Variants in DAB2IP observed in about 807,000 individuals in gnomAD.
DAB2IP encodes the protein DAB2 interacting protein, also known as disabled homolog 2-interacting protein.
DAB2IP carries 28 observed loss-of-function variants against 107.2 expected under a neutral mutation model. The observed-to-expected ratio is 0.26, with a 90% CI of 0.19 to 0.36. The LOEUF is 0.36. Ranked by LOEUF, DAB2IP falls within the 10% of genes least tolerant of loss-of-function variation. DAB2IP has a pLI of 1.00. For missense variants in DAB2IP, 1,400 were observed against 1,644.7 expected, an observed-to-expected ratio of 0.85 and a Z score of 2.57; for synonymous variants, 755 against 706.4, an observed-to-expected ratio of 1.07 and a Z score of -1.09.
rs1390718011 is a variant in DAB2IP at position 121,772,508 on chromosome 9, C to G, written c.2079-99C>G. ...CAGCGCTGGCTCAGGCTGCCAGGCCCCGGCAGGTTGGCGGGTGCTGTCGGT... is the reference window on the plus strand; with the variant it reads ...CAGCGCTGGCTCAGGCTGCCAGGCCGCGGCAGGTTGGCGGGTGCTGTCGGT... On this transcript the variant is annotated intron_variant, in intron 11 of 15. Transcript: ENST00000408936. The surrounding 1 kb of genome is among the most constrained non-coding windows in gnomAD (Gnocchi z 4.7). 7.3e-7 allele frequency: 1 copy of G among 1,369,462 alleles called. No individual in the cohort carries two copies. The highest frequency in any genetic ancestry group is 1.0e-6 in the Non-Finnish European group (1 of 994,040). 84.8% of individuals were successfully genotyped at this position (1,369,462 alleles called of 1,614,324 possible). A position where few individuals can be genotyped will look rare whatever the true frequency, so the allele number is the denominator to read the frequency against.
intron 1 of DAB2IP, among the ~76,000 whole-genome samples, chr9:121,600,055 T>C (rs1025856980): frequency 2.0e-5 from 3 of 151,338 alleles, no homozygotes; most frequent in Non-Finnish European, 1.5e-5. Context: ...GAGAGTACAA[T>C]ACAGGGGATC....
Position 121,759,002 on chromosome 9 carries a change from C to T in DAB2IP, c.615+6C>T. 1 of 1,608,410 alleles carries T rather than the reference C, an allele frequency of 6.2e-7. No homozygotes were observed. The highest frequency in any genetic ancestry group is 8.5e-7 in the Non-Finnish European group (1 of 1,177,822). Reference sequence around the variant, plus strand: ...GAGCGGTGCATCCCAACAAGGTAAGCCTGCGCCCCTCTCACCAAAGCATGG... The same window carrying T: ...GAGCGGTGCATCCCAACAAGGTAAGTCTGCGCCCCTCTCACCAAAGCATGG... On this transcript the variant is annotated splice_donor_region_variant and intron_variant, in intron 5 of 15. Coordinates refer to ENST00000408936, the Ensembl canonical transcript of DAB2IP.
intron 3 of DAB2IP, among the ~76,000 whole-genome samples, chr9:121,734,357 C>T (rs533552206): frequency 2.7e-5 from 4 of 149,630 alleles, no homozygotes; most frequent in Non-Finnish European, 3.0e-5. Flanking sequence ...GCAGTCCGGC[C>T]TGGGCAACAG....
At chr9:121,767,115 CCT>C (rs569989836) in intron 9 of DAB2IP, among the ~76,000 whole-genome samples, 47 of 152,324 alleles carry the variant, frequency 3.1e-4, no homozygotes, top group South Asian at 1.2e-3. Context: ...TAATCCATTC[CCT>C]GTGCTTGGGC....
chr9:121,743,424 C>T lies in DAB2IP; in HGVS notation c.363-13589C>T, dbSNP rs548379184. Among the ~76,000 whole-genome samples the T allele has an allele frequency of 4.0e-4, 61 of 152,048 alleles. 1 individual carries two copies. Among genetic ancestry groups the T allele is most frequent in the Admixed American group, 2.0e-3 (31 of 15,282 alleles). On this transcript the variant is annotated intron_variant, in intron 3 of 15. Transcript: ENST00000408936. Reference sequence around the variant, plus strand: ...AACCTGATCATGAATTTTGGAGTTTCGTTTTTTGTTTTTTTTTTCTTTCCT... The same window carrying T: ...AACCTGATCATGAATTTTGGAGTTTTGTTTTTTGTTTTTTTTTTCTTTCCT...
At chr9:121,746,972 G>A (rs1355482639) in intron 3 of DAB2IP, among the ~76,000 whole-genome samples, 2 of 152,138 alleles carry the variant, frequency 1.3e-5, no homozygotes, top group African/African-American at 4.8e-5. Context: ...GAGAGGGAAC[G>A]CATGGGTCAG....
chr9:121,591,663 G>A (rs188959042), intron 1 of DAB2IP, among the ~76,000 whole-genome samples: 10 of 152,344 alleles, frequency 6.6e-5, no homozygotes, highest in African/African-American at 2.4e-4. Context: ...GGGGCCAGGT[G>A]GATGCATGGA....
At chr9:121,773,575 C>G in intron 12 of DAB2IP, 80 bp downstream of exon 12, 1 of 1,333,794 alleles carries the variant, frequency 7.5e-7, no homozygotes, top group Non-Finnish European at 9.6e-7. Context: ...TGCTCCTCCT[C>G]TCGGTCATTT....
chr9:121,593,126 C>T (rs1021173074), intron 1 of DAB2IP, among the ~76,000 whole-genome samples: 1 of 152,204 alleles, frequency 6.6e-6, no homozygotes, highest in Non-Finnish European at 1.5e-5. Context: ...GTCTGCTGCC[C>T]AGGCTGGAGT....
chr9:121,741,173 G>A (rs1832314748), intron 3 of DAB2IP, among the ~76,000 whole-genome samples: 1 of 152,222 alleles, frequency 6.6e-6, no homozygotes, highest in African/African-American at 2.4e-5. Context: ...TCGGCTCCAG[G>A]AAGATAGGAT....
chr9:121,689,154 C>T (rs1024585924), intron 2 of DAB2IP, among the ~76,000 whole-genome samples: 5 of 152,050 alleles, frequency 3.3e-5, no homozygotes, highest in Non-Finnish European at 5.9e-5. Flanking sequence ...ATTAGCCGGG[C>T]GTGGTAGCGC....
At chr9:121,573,969 G>A (rs928021726) in intron 1 of DAB2IP, among the ~76,000 whole-genome samples, 13 of 152,242 alleles carry the variant, frequency 8.5e-5, no homozygotes, top group African/African-American at 3.1e-4. Flanking sequence ...AGATGTGGCA[G>A]GAGCCATGTC....
In DAB2IP at chr9:121,750,567, T is replaced by TGG. The variant is rs1265009703; in HGVS notation, c.363-6443_363-6442dup. Among the ~76,000 whole-genome samples the TGG allele has an allele frequency of 7.2e-5, 11 of 152,288 alleles. No individual in the cohort carries two copies. The South Asian group carries it at 1.9e-3, about 26-fold the overall frequency. ...CTCTCCTGGTCCCAGCCTTGCCCTT[T>TGG]GGGGCCACACAGGGCAGCTCCCTCT... On this transcript the variant is annotated intron_variant, in intron 3 of 15. Transcript: ENST00000408936.
intron 1 of DAB2IP, among the ~76,000 whole-genome samples, chr9:121,577,452 C>A (rs924150460): frequency 6.6e-6 from 1 of 152,234 alleles, no homozygotes; most frequent in Non-Finnish European, 1.5e-5. Flanking sequence ...AGGAGCTCCA[C>A]GGTGTGTCTG....
intron 3 of DAB2IP, among the ~76,000 whole-genome samples, chr9:121,724,575 C>T (rs897101151): frequency 1.3e-5 from 2 of 152,218 alleles, no homozygotes; most frequent in African/African-American, 4.8e-5. Context: ...ACATTTATGT[C>T]TTGTACCCTG....
intron 3 of DAB2IP, among the ~76,000 whole-genome samples, chr9:121,750,606 T>C (rs772335094): frequency 1.4e-4 from 22 of 152,170 alleles, no homozygotes; most frequent in Non-Finnish European, 3.1e-4. Context: ...CTTTCGAGAT[T>C]TGGAGGGTGA....
At chr9:121,680,720 C>T (rs1187925286) in intron 2 of DAB2IP, among the ~76,000 whole-genome samples, 1 of 150,116 alleles carries the variant, frequency 6.7e-6, no homozygotes, top group Non-Finnish European at 1.5e-5. Context: ...CACTGTCCTA[C>T]ATCCCTGATC....
intron 1 of DAB2IP, among the ~76,000 whole-genome samples, chr9:121,608,394 CG>C (rs1830959866): frequency 6.6e-6 from 1 of 152,088 alleles, no homozygotes; most frequent in Non-Finnish European, 1.5e-5. Flanking sequence ...AGGAGGGAAG[CG>C]GGTTGGTGGA....
rs563103175 is a variant in DAB2IP, at chr9:121,734,354, G to A, written c.363-22659G>A. Among the ~76,000 whole-genome samples, 58 of 140,016 alleles carry A rather than the reference G, an allele frequency of 4.1e-4. 6 individuals are homozygous for A. The highest frequency in any genetic ancestry group is 1.6e-3 in the African/African-American group (48 of 30,720). The allele number at this position is 140,016 out of a possible 152,430, so 91.9% of individuals were successfully genotyped here. On this transcript the variant is annotated intron_variant, in intron 3 of 15. Coordinates refer to ENST00000408936, the Ensembl canonical transcript of DAB2IP. Reference sequence around the variant, plus strand: ...ATTGCGCCATTGCAGTCCGCAGTCCGGCCTGGGCAACAGAGCGAGACTCCG... The same window carrying A: ...ATTGCGCCATTGCAGTCCGCAGTCCAGCCTGGGCAACAGAGCGAGACTCCG...
Sources: gnomAD v4.1 joint callset for allele counts (sites outside exome capture counted in the v4.1 genomes callset) on GRCh38, gnomAD v4.1.1 for gene constraint, Gnocchi (gnomAD v3.1) non-coding constraint, MANE v1.5 for transcripts, NCBI Gene and HGNC (gene_info 2026-07-23, HGNC 2026-07-21) for gene names.